The following TEAD1 variants were observed in gnomAD, a reference collection of about 807,000 sequenced individuals.
TEAD1 encodes the protein transcriptional enhancer factor TEF-1.
A neutral mutation model predicts 54.9 loss-of-function variants in TEAD1; 9 were observed. The ratio of observed to expected loss-of-function variants is 0.16; its 90% CI spans 0.10 to 0.29. TEAD1 has a LOEUF of 0.29. TEAD1 is among the 10% of genes least tolerant of loss of function. The probability of loss-of-function intolerance (pLI) is 1.00; values close to 1 mark genes in which losing one functional copy is unlikely to be tolerated. For synonymous variants in TEAD1, 200 were observed against 187.8 expected (o/e 1.07, Z -0.53); for missense variants, 387 against 535.9 (o/e 0.72, Z 2.74).
chr11:12,684,776 A>G (rs1344846926), intron 2 of TEAD1, among the ~76,000 whole-genome samples: 1 of 152,220 alleles, frequency 6.6e-6, no homozygotes, highest in African/African-American at 2.4e-5. Flanking sequence ...CTCCAGAGAT[A>G]AATCTTTGCC....
intron 2 of TEAD1, among the ~76,000 whole-genome samples, chr11:12,726,422 C>G (rs536718987): frequency 6.6e-6 from 1 of 152,168 alleles, no homozygotes; most frequent in Non-Finnish European, 1.5e-5. Flanking sequence ...AGTGGTTGCT[C>G]TAGGCCTGTG....
intron 2 of TEAD1, among the ~76,000 whole-genome samples, chr11:12,692,232 C>A (rs1259306548): frequency 6.6e-6 from 1 of 152,204 alleles, no homozygotes; most frequent in Non-Finnish European, 1.5e-5. Flanking sequence ...AACCACCCCC[C>A]AGTCCCCCCA....
intron 3 of TEAD1, among the ~76,000 whole-genome samples, chr11:12,794,452 C>T (rs1042328592): frequency 3.3e-5 from 5 of 152,146 alleles, no homozygotes; most frequent in African/African-American, 1.2e-4. Context: ...AAAAACAGCC[C>T]TCATGGTGTT....
chr11:12,825,015 ACACT>A (rs1946622090), intron 3 of TEAD1, among the ~76,000 whole-genome samples: 1 of 152,212 alleles, frequency 6.6e-6, no homozygotes, highest in African/African-American at 2.4e-5. Flanking sequence ...TTTAAAACAC[ACACT>A]CATTTTTTAA....
At chr11:12,928,481 G>A (rs554405789) in intron 11 of TEAD1, among the ~76,000 whole-genome samples, 3 of 151,860 alleles carry the variant, frequency 2.0e-5, no homozygotes, top group African/African-American at 4.8e-5. Flanking sequence ...ATGTGGTTTC[G>A]CTGGTCTGAA....
rs1475639873 is a variant in TEAD1, at chr11:12,938,524, C to G, written c.*1302C>G. ...GCTAGGTGCTGATATGTACGTATAT[C>G]TCAATGTGTCTGTAGACTTAGATAC... On this transcript the variant is annotated 3_prime_UTR_variant, in exon 13 of 13. Coordinates refer to ENST00000527636, the MANE Select transcript of TEAD1 (RefSeq NM_021961.6). The G allele has an allele frequency of 6.6e-6, 1 of 152,234 alleles. No homozygotes were observed. The highest frequency in any genetic ancestry group is 1.5e-5 in the Non-Finnish European group (1 of 68,056). 9.4% of individuals were successfully genotyped at this position (152,234 alleles called of 1,614,324 possible). A position where few individuals can be genotyped will look rare whatever the true frequency, so the allele number is the denominator to read the frequency against.
chr11:12,857,580 G>GTCTC (rs1478699440), intron 3 of TEAD1, among the ~76,000 whole-genome samples: 2 of 140,754 alleles, frequency 1.4e-5, no homozygotes, highest in East Asian at 4.0e-4. Flanking sequence ...CTCTGTCTCT[G>GTCTC]TGTGTGTGTG....
At chr11:12,698,878 T>C (rs970131837) in intron 2 of TEAD1, among the ~76,000 whole-genome samples, 3 of 152,220 alleles carry the variant, frequency 2.0e-5, no homozygotes, top group Non-Finnish European at 4.4e-5. Flanking sequence ...ACATACTCTT[T>C]CCAGGTTTGT....
intron 2 of TEAD1, among the ~76,000 whole-genome samples, chr11:12,724,785 G>T (rs559946414): frequency 6.6e-6 from 1 of 152,078 alleles, no homozygotes; most frequent in Non-Finnish European, 1.5e-5. Flanking sequence ...TCTCCTCCTC[G>T]CCCCTCCTTT....
Position 12,883,039 on chromosome 11 carries a change from G to C in TEAD1, c.613G>C (p.Ala205Pro), listed in dbSNP as rs370568321. 65 of 1,614,062 alleles carry C rather than the reference G, an allele frequency of 4.0e-5. No homozygotes were observed. Among genetic ancestry groups the C allele is most frequent in the African/African-American group, 5.3e-5 (4 of 74,920 alleles). ...ATCGGCCCCAGCTCCCTCAGTCCCT[G>C]CCTGGCAAGGTCGCTCCATTGGCAC... Residue 205 changes from alanine (A) to proline (P), a missense_variant, in exon 9 of 13, where the codon GCC becomes CCC. By Grantham distance (27) the Ala-to-Pro change is conservative. Coordinates refer to ENST00000527636, the MANE Select transcript of TEAD1 (RefSeq NM_021961.6).
intron 9 of TEAD1, among the ~76,000 whole-genome samples, chr11:12,896,615 G>T (rs887443660): frequency 2.0e-5 from 3 of 152,138 alleles, no homozygotes; most frequent in Non-Finnish European, 4.4e-5. Context: ...TTTAATGCTG[G>T]AGAATAAGGT....
At chr11:12,751,732 G>A (rs1445540359) in intron 2 of TEAD1, among the ~76,000 whole-genome samples, 1 of 152,078 alleles carries the variant, frequency 6.6e-6, no homozygotes, top group African/African-American at 2.4e-5. Context: ...TCATTTTAAG[G>A]CAGCATGCAA....
At chr11:12,872,815 G>T (rs1410316996) in intron 5 of TEAD1, among the ~76,000 whole-genome samples, 2 of 152,164 alleles carry the variant, frequency 1.3e-5, no homozygotes, top group Admixed American at 6.5e-5. Flanking sequence ...TTCAGGTCCC[G>T]AGCAGAATCC....
chr11:12,781,970 AAGAAAGAAAAAAAGAAAAAG>A lies in TEAD1; in HGVS notation c.202+17538_202+17557del, dbSNP rs1439042683. 2.6e-4 allele frequency among the ~76,000 whole-genome samples: 35 copies of A among 134,456 alleles called. 5 individuals carry two copies. The highest frequency in any genetic ancestry group is 1.3e-3 in the African/African-American group (35 of 26,270). The allele number at this position is 134,456 out of a possible 152,430, so 88.2% of individuals were successfully genotyped here. On this transcript the variant is annotated intron_variant, in intron 3 of 12. Coordinates refer to ENST00000527636, the MANE Select transcript of TEAD1 (RefSeq NM_021961.6). The stretch of plus-strand genomic sequence containing the variant: ...TCTGTACAAAAAAAAAAAAAAAAAA[AAGAAAGAAAAAAAGAAAAAG>A]AAAAAAAAAATTAGCCAAGCGTGGT...
intron 2 of TEAD1, among the ~76,000 whole-genome samples, chr11:12,699,833 C>T (rs1371786803): frequency 6.6e-6 from 1 of 152,194 alleles, no homozygotes; most frequent in Non-Finnish European, 1.5e-5. Flanking sequence ...ATTTGGATCC[C>T]AGTTTGAATT....
intron 2 of TEAD1, among the ~76,000 whole-genome samples, chr11:12,760,205 C>T (rs1350078355): frequency 6.6e-6 from 1 of 152,208 alleles, no homozygotes; most frequent in East Asian, 1.9e-4. Flanking sequence ...AACATCTGTT[C>T]ATAGTTTTAC....
chr11:12,786,548 G>A (rs780520398), intron 3 of TEAD1, among the ~76,000 whole-genome samples: 2 of 152,196 alleles, frequency 1.3e-5, no homozygotes, highest in Admixed American at 6.5e-5. Context: ...ATCCCATGCC[G>A]TGGTTATATT....
At chr11:12,816,733 G>C (rs1564950144) in intron 3 of TEAD1, among the ~76,000 whole-genome samples, 1 of 152,152 alleles carries the variant, frequency 6.6e-6, no homozygotes, top group South Asian at 2.1e-4. Context: ...CACATCTTTT[G>C]TGTGACTCTC....
chr11:12,934,561 A>G (rs898331933), intron 12 of TEAD1, among the ~76,000 whole-genome samples: 3 of 151,540 alleles, frequency 2.0e-5, no homozygotes, highest in Non-Finnish European at 4.4e-5. Context: ...ATAAATAAAT[A>G]AAGCTAAACT....
Sources: allele counts gnomAD v4.1 joint callset (sites outside exome capture counted in the v4.1 genomes callset), GRCh38; gene constraint gnomAD v4.1.1; transcripts MANE v1.5; gene names NCBI Gene and HGNC (gene_info 2026-07-23, HGNC 2026-07-21).